The following MOV10L1 variants were observed in gnomAD, a reference collection of about 807,000 sequenced individuals.
The protein encoded by MOV10L1 is RNA helicase Mov10l1.
Under a neutral mutation model 143.8 loss-of-function variants are expected in MOV10L1, and 110 were observed. That is an observed-to-expected ratio of 0.76 (90% CI 0.66 to 0.90). The LOEUF is 0.90. Among genes scored for constraint, MOV10L1 ranks in the 40% least tolerant of loss-of-function variants. The pLI, the probability that MOV10L1 is intolerant of heterozygous loss-of-function variation, is 0.00. For synonymous variants in MOV10L1, 593 were observed against 581.1 expected (o/e 1.02, Z -0.29); for missense variants, 1,406 against 1,526.8 (o/e 0.92, Z 1.32).
intron 2 of MOV10L1, chr22:50,092,673 C>T (rs2062482653): frequency 2.6e-5 from 4 of 156,792 alleles, no homozygotes; most frequent in Admixed American, 2.5e-4. Flanking sequence ...GTAAATCATT[C>T]AAACAACATA....
In MOV10L1 at chr22:50,092,058, G is replaced by A. The variant is rs2062459862; in HGVS notation, c.155G>A (p.Gly52Asp). The A allele has an allele frequency of 3.1e-6, 5 of 1,614,158 alleles. No individual in the cohort carries two copies. The highest frequency in any genetic ancestry group is 4.2e-6 in the Non-Finnish European group (5 of 1,180,020). The change falls in exon 2 of 27, where the codon GGC becomes GAC. Residue 52 changes from glycine to aspartate, a missense_variant. Transcript: ENST00000262794. ...GVVTRYCSDY[G>D]MIDDMIYFSS... ...GTGACAAGGTACTGCAGCGATTATG[G>A]CATGATTGATGATATGATCTACTTC...
chr22:50,149,892 G>T (rs1467669823), intron 20 of MOV10L1, among the ~76,000 whole-genome samples, 178 bp downstream of exon 20: 2 of 152,256 alleles, frequency 1.3e-5, no homozygotes, highest in Admixed American at 6.5e-5. Flanking sequence ...TGGACTAGAA[G>T]TGAATGTCTT....
In MOV10L1 at chr22:50,143,068, A is replaced by G. The variant is rs959470651; in HGVS notation, c.2205A>G (p.Ala735=). 6.2e-7 allele frequency: 1 copy of G among 1,614,188 alleles called. No homozygotes were observed. The highest frequency in any genetic ancestry group is 1.3e-5 in the African/African-American group (1 of 75,060). Residue 735 remains alanine, a synonymous_variant, in exon 17 of 27, where the codon GCA becomes GCG. Transcript: ENST00000262794. ...TAGATGAAATTCAGACCCCTAAAGC[A>G]AGAAAGATGGAGTTTTTCAACCCAG... ...DWVDEIQTPK[A]RKMEFFNPVL...
At chr22:50,103,589 A>G (rs2061799238) in intron 3 of MOV10L1, among the ~76,000 whole-genome samples, 1 of 152,196 alleles carries the variant, frequency 6.6e-6, no homozygotes, top group South Asian at 2.1e-4. Flanking sequence ...GCCCCCAGGT[A>G]GGATCCACTG....
Position 50,109,560 on chromosome 22 carries a change from G to A in MOV10L1, c.743+716G>A, listed in dbSNP as rs143127267. 1,094 of 152,826 alleles carry A rather than the reference G, an allele frequency of 7.2e-3. 9 individuals are homozygous for A. Among genetic ancestry groups the A allele is most frequent in the African/African-American group, 0.025 (1,031 of 41,290 alleles). 9.5% of individuals were successfully genotyped at this position (152,826 alleles called of 1,614,324 possible). ...GTGACGGGCACCTGTAGTCCCGGCT[G>A]CTTGGGAGGCTGAGGCAAGAGAATG... On this transcript the variant is annotated intron_variant, in intron 5 of 26. Transcript: ENST00000262794.
At position 50,126,702 on chromosome 22, in the gene MOV10L1, T is replaced by C. The variant is rs138504854; in HGVS notation, c.1818+430T>C. ...GGTCTGTGACTCTTGGGCTGGACTT[T>C]ACTGGTCATGTACTGGTCATAGCAC... On this transcript the variant is annotated intron_variant, in intron 12 of 26. Coordinates refer to ENST00000262794, the MANE Select transcript of MOV10L1 (RefSeq NM_018995.3). 1.5e-4 allele frequency among the ~76,000 whole-genome samples: 23 copies of C among 152,172 alleles called. No individual in the cohort carries two copies. The East Asian group carries it at 4.4e-3, about 29-fold the overall frequency.
At chr22:50,153,691 G>A (rs1403636002) in intron 22 of MOV10L1, among the ~76,000 whole-genome samples, 1 of 152,240 alleles carries the variant, frequency 6.6e-6, no homozygotes, top group Non-Finnish European at 1.5e-5. Flanking sequence ...CCTGAGGAGT[G>A]ACGGGCCACC....
At chr22:50,115,997 A>T (rs139423045) in intron 8 of MOV10L1, among the ~76,000 whole-genome samples, 3 of 152,116 alleles carry the variant, frequency 2.0e-5, no homozygotes, top group Non-Finnish European at 4.4e-5. Flanking sequence ...AGCTGACCAA[A>T]CAGGCCCTGT....
intron 3 of MOV10L1, among the ~76,000 whole-genome samples, chr22:50,105,547 C>A (rs140671917): frequency 6.6e-6 from 1 of 152,196 alleles, no homozygotes; most frequent in Admixed American, 6.5e-5. Context: ...TCCTGCTCAT[C>A]AGCTTTATTT....
intron 6 of MOV10L1, 22 bp downstream of exon 6, chr22:50,113,810 T>C: frequency 6.4e-7 from 1 of 1,563,700 alleles, no homozygotes; most frequent in Non-Finnish European, 8.7e-7. Context: ...ACTGAAACAT[T>C]TTCTATAAAG....
chr22:50,129,496 T>C (rs1328433638), intron 13 of MOV10L1, among the ~76,000 whole-genome samples: 2 of 152,238 alleles, frequency 1.3e-5, no homozygotes, highest in African/African-American at 2.4e-5. Flanking sequence ...GGTTTGCGGT[T>C]GTGTGAATAC....
At chr22:50,099,812 C>T (rs1416621081) in intron 3 of MOV10L1, among the ~76,000 whole-genome samples, 2 of 152,034 alleles carry the variant, frequency 1.3e-5, no homozygotes, top group Non-Finnish European at 2.9e-5. Flanking sequence ...AACCCTGTGT[C>T]TATATTTGTG....
chr22:50,127,478 C>T (rs910484699), intron 12 of MOV10L1, among the ~76,000 whole-genome samples: 9 of 152,216 alleles, frequency 5.9e-5, no homozygotes, highest in African/African-American at 2.2e-4. Flanking sequence ...TCAGGGGAAA[C>T]AATCCCATGG....
chr22:50,106,365 T>C (rs1414616685), intron 3 of MOV10L1, among the ~76,000 whole-genome samples: 3 of 144,980 alleles, frequency 2.1e-5, no homozygotes, highest in African/African-American at 7.5e-5. Context: ...GGGATCTTAC[T>C]GTGTTGCCCA....
At chr22:50,111,741 G>A (rs2062028712) in intron 5 of MOV10L1, among the ~76,000 whole-genome samples, 1 of 151,970 alleles carries the variant, frequency 6.6e-6, no homozygotes, top group Non-Finnish European at 1.5e-5. Context: ...CTGACCTCAT[G>A]ATCCGCCCAC....
At chr22:50,098,590 G>A (rs920202577) in intron 2 of MOV10L1, among the ~76,000 whole-genome samples, 4 of 152,034 alleles carry the variant, frequency 2.6e-5, no homozygotes, top group Non-Finnish European at 4.4e-5. Flanking sequence ...TTGACTTTGT[G>A]TCCTGTGCTG....
In MOV10L1 at chr22:50,158,113, C is replaced by T. The variant is rs752620038; in HGVS notation, c.3123C>T (p.Val1041=). The T allele has an allele frequency of 6.2e-7, 1 of 1,614,076 alleles. No homozygotes were observed. ...CGTGGTTCAACCCGGCCGAGGCCGT[C>T]CAGGTCCTGCGCTACTGCTGCCTCC... The part of the protein sequence containing the change: ...SPSWFNPAEA[V]QVLRYCCLLA... The change falls in exon 23 of 27, where the codon GTC becomes GTT. Residue 1041 remains valine (V), a synonymous_variant. Transcript: ENST00000262794. The surrounding 1 kb of genome is among the most constrained non-coding windows in gnomAD (Gnocchi z 5.0).
At chr22:50,150,358 G>C (rs1458324693) in intron 20 of MOV10L1, among the ~76,000 whole-genome samples, 3 of 152,216 alleles carry the variant, frequency 2.0e-5, no homozygotes, top group African/African-American at 4.8e-5. Flanking sequence ...GGCCTGACCA[G>C]GTCAAGGCAA....
At position 50,152,962 on chromosome 22, in the gene MOV10L1, T is replaced by A; in HGVS notation, c.2893-83T>A. ...TTGGAAGTCAGGCAGGCCTCACGTTTGCTGTGCAGAGCCGCTTTTCGTTCG... is the reference window on the plus strand; with the variant it reads ...TTGGAAGTCAGGCAGGCCTCACGTTAGCTGTGCAGAGCCGCTTTTCGTTCG... On this transcript the variant is annotated intron_variant, in intron 21 of 26. Coordinates refer to ENST00000262794, the MANE Select transcript of MOV10L1 (RefSeq NM_018995.3). This position sits in a 1 kb window ranked among gnomAD's most constrained non-coding sequence, Gnocchi z 4.4. 1 of 1,397,636 alleles carries A rather than the reference T, an allele frequency of 7.2e-7. No homozygotes were observed. Among genetic ancestry groups the A allele is most frequent in the Non-Finnish European group, 9.8e-7 (1 of 1,022,832 alleles). 86.6% of individuals were successfully genotyped at this position (1,397,636 alleles called of 1,614,324 possible). A position where few individuals can be genotyped will look rare whatever the true frequency, so the allele number is the denominator to read the frequency against.
Sources: gnomAD v4.1 joint callset for allele counts (sites outside exome capture counted in the v4.1 genomes callset) on GRCh38, gnomAD v4.1.1 for gene constraint, Gnocchi (gnomAD v3.1) non-coding constraint, MANE v1.5 for transcripts, NCBI Gene and HGNC (gene_info 2026-07-23, HGNC 2026-07-21) for gene names.